Variants in CFAP69 observed in about 807,000 individuals in gnomAD.
The protein encoded by CFAP69 is cilia and flagella associated protein 69.
CFAP69 carries 92 observed loss-of-function variants against 123.0 expected under a neutral mutation model. That is an observed-to-expected ratio of 0.75 (90% confidence interval 0.63 to 0.89). The LOEUF is 0.89. Among genes scored for constraint, CFAP69 ranks in the 40% least tolerant of loss-of-function variants. The probability of loss-of-function intolerance (pLI) is 0.00; values close to 1 mark genes in which losing one functional copy is unlikely to be tolerated. For synonymous variants in CFAP69, 380 were observed against 364.3 expected (o/e 1.04, Z -0.49); for missense variants, 1,067 against 1,096.9 (o/e 0.97, Z 0.39).
chr7:90,290,732 G>A (rs1408512712), intron 15 of CFAP69, among the ~76,000 whole-genome samples: 1 of 149,608 alleles, frequency 6.7e-6, no homozygotes, highest in Admixed American at 6.7e-5. Flanking sequence ...GAAACAGGCA[G>A]TAGAAACAAT....
intron 1 of CFAP69, among the ~76,000 whole-genome samples, chr7:90,251,229 T>C (rs553108773): frequency 2.0e-5 from 3 of 152,172 alleles, no homozygotes; most frequent in Non-Finnish European, 4.4e-5. Context: ...GAGACTCCAA[T>C]GCAGCCTGGG....
At chr7:90,257,802 T>C (rs1474756496) in intron 2 of CFAP69, among the ~76,000 whole-genome samples, 2 of 152,184 alleles carry the variant, frequency 1.3e-5, no homozygotes, top group Non-Finnish European at 2.9e-5. Flanking sequence ...ATTCTGTATC[T>C]TTGCTATTGT....
At chr7:90,319,543 TC>T in the CFAP69 span, 1 of 398,594 alleles carries the variant, frequency 2.5e-6, no homozygotes, top group Admixed American at 4.4e-5. Flanking sequence ...CCAAAAAGCA[TC>T]CACATTGTGC....
In CFAP69 at chr7:90,271,943, A is replaced by G. The variant is rs750099907; in HGVS notation, c.845A>G (p.Asn282Ser). 14 of 1,611,678 alleles carry G rather than the reference A, an allele frequency of 8.7e-6. No individual in the cohort carries two copies. The highest frequency in any genetic ancestry group is 1.7e-5 in the Admixed American group (1 of 59,704). Residue 282 changes from asparagine to serine, a missense_variant, in exon 8 of 23, where the codon AAC becomes AGC. Transcript: ENST00000389297. ...SKEEVIQQLS[N>S]LECLLALKEV... The stretch of plus-strand genomic sequence containing the variant: ...GAAGAAGTCATACAACAGCTTAGTA[A>G]CTTGGAATGTTTGCTGTAAGCGTAT...
intron 13 of CFAP69, 68 bp from the exon 14 acceptor site, chr7:90,286,213 A>C: frequency 2.3e-6 from 3 of 1,331,072 alleles, no homozygotes; most frequent in Non-Finnish European, 3.0e-6. Flanking sequence ...AGAGATTTCC[A>C]AACAGTAATT....
chr7:90,309,986 G>A lies in CFAP69; in HGVS notation c.2656-82G>A, dbSNP rs2117488785. On this transcript the variant is annotated intron_variant, in intron 22 of 22. Transcript: ENST00000389297. ...TCATTACATTTGTGTCTTTTCAAAA[G>A]TAAGCTGAAGGATGAATGAGTTTTT... 6 of 1,166,010 alleles carry A rather than the reference G, an allele frequency of 5.1e-6. No homozygotes were observed. In the South Asian group the frequency reaches 7.7e-5, roughly 15 times the overall value. 72.2% of individuals were successfully genotyped at this position (1,166,010 alleles called of 1,614,324 possible). A position where few individuals can be genotyped will look rare whatever the true frequency, so the allele number is the denominator to read the frequency against.
chr7:90,313,478 C>T (rs551161212), downstream of CFAP69, among the ~76,000 whole-genome samples: 4 of 152,278 alleles, frequency 2.6e-5, no homozygotes, highest in Admixed American at 6.5e-5. Flanking sequence ...CCCAATACCC[C>T]AACTTTGGTT....
At chr7:90,304,717 A>AT in intron 18 of CFAP69, 27 bp from the exon 19 acceptor site, 1 of 1,592,912 alleles carries the variant, frequency 6.3e-7, no homozygotes, top group Non-Finnish European at 8.5e-7. Context: ...TGCTAAAGTA[A>AT]TTCTGTCTTT....
At chr7:90,271,239 A>C (rs1247054041) in intron 6 of CFAP69, among the ~76,000 whole-genome samples, 1 of 152,108 alleles carries the variant, frequency 6.6e-6, no homozygotes, top group Non-Finnish European at 1.5e-5. Flanking sequence ...ATTGTGTTAG[A>C]ACACAGCCAT....
At position 90,255,392 on chromosome 7, in the gene CFAP69, T is replaced by A. The variant is rs770340812; in HGVS notation, c.121-31T>A. The A allele has an allele frequency of 7.0e-6, 11 of 1,563,396 alleles. No homozygotes were observed. In the South Asian group the frequency reaches 1.2e-4, roughly 17 times the overall value. ...TATGACTTATTGATATAGAAGATGA[T>A]CTAGAATAGTAAGAGTTGTATGTTT... On this transcript the variant is annotated intron_variant, in intron 1 of 22. Transcript: ENST00000389297.
chr7:90,251,920 T>C (rs1028506803), intron 1 of CFAP69: 2 of 152,180 alleles, frequency 1.3e-5, no homozygotes, highest in Non-Finnish European at 2.9e-5. Context: ...AATCCTGCAA[T>C]TGGGGTGGCC....
At chr7:90,268,576 T>G (rs1373569333) in intron 6 of CFAP69, among the ~76,000 whole-genome samples, 192 bp downstream of exon 6, 2 of 152,180 alleles carry the variant, frequency 1.3e-5, no homozygotes, top group Non-Finnish European at 2.9e-5. Flanking sequence ...TTGATTTGCA[T>G]ATTTTTATTC....
At position 90,309,307 on chromosome 7, in the gene CFAP69, C is replaced by A; in HGVS notation, c.2595C>A (p.Tyr865Ter). 2.5e-6 allele frequency: 4 copies of A among 1,588,844 alleles called. No homozygotes were observed. The highest frequency in any genetic ancestry group is 4.6e-5 in the East Asian group (2 of 43,826). The change falls in exon 22 of 23, where the codon TAC becomes TAA. Residue 865 changes from tyrosine (Y) to a stop codon, truncating the protein, a stop_gained. Transcript: ENST00000389297. LOFTEE classifies it high-confidence loss of function. The stretch of plus-strand genomic sequence containing the variant: ...AAAAAGCTATAGAAGCCTCCAGATA[C>A]CATAAACGACCACAAAATGCAATAT... ...LQEKAIEASR[Y>*]HKRPQNAIFH...
chr7:90,299,530 CTG>C (rs1792457287), intron 16 of CFAP69, among the ~76,000 whole-genome samples: 1 of 152,102 alleles, frequency 6.6e-6, no homozygotes, highest in African/African-American at 2.4e-5. Context: ...ACAGTGAACT[CTG>C]TATAACACTA....
rs1295004024 is a variant in CFAP69, at chr7:90,245,210, A to T, written c.-215A>T. The T allele has an allele frequency of 8.1e-6, 4 of 496,552 alleles. No individual in the cohort carries two copies. Among genetic ancestry groups the T allele is most frequent in the African/African-American group, 8.0e-5 (4 of 49,754 alleles). The allele number at this position is 496,552 out of a possible 1,614,324, so 30.8% of individuals were successfully genotyped here. ...GGCTTGTGTTAACAACCGGCCCGGG[A>T]TCAGAGGTCTGGGTCAACTGGGGGG... is the stretch of plus-strand genomic sequence containing the variant. On this transcript the variant is annotated 5_prime_UTR_variant, in exon 1 of 23. Coordinates refer to ENST00000389297, the MANE Select transcript of CFAP69 (RefSeq NM_001039706.3).
At chr7:90,290,741 ATGTCTTTTCTTTTC>A (rs1791003773) in intron 15 of CFAP69, among the ~76,000 whole-genome samples, 1 of 147,300 alleles carries the variant, frequency 6.8e-6, no homozygotes, top group Non-Finnish European at 1.5e-5. Context: ...AGTAGAAACA[ATGTCTTTTCTTTTC>A]TTTTCTTTTC....
intron 1 of CFAP69, among the ~76,000 whole-genome samples, chr7:90,252,436 G>T (rs1377990021): frequency 6.6e-6 from 1 of 152,138 alleles, no homozygotes; most frequent in East Asian, 1.9e-4. Flanking sequence ...GGGAGGCTGA[G>T]ACTGGCAGAT....
At position 90,286,467 on chromosome 7, in the gene CFAP69, G is replaced by T. The variant is rs147064249; in HGVS notation, c.1656+68G>T. On this transcript the variant is annotated intron_variant, in intron 14 of 22. Transcript: ENST00000389297. Reference sequence around the variant, plus strand: ...CTAACACTATAAACTATTTTTGGAAGTCTCTATAATTGTATTTAATTTTGT... The same window carrying T: ...CTAACACTATAAACTATTTTTGGAATTCTCTATAATTGTATTTAATTTTGT... 159 of 1,477,006 alleles carry T rather than the reference G, an allele frequency of 1.1e-4. No homozygotes were observed. The African/African-American group carries it at 2.0e-3, about 19-fold the overall frequency. 91.5% of individuals were successfully genotyped at this position (1,477,006 alleles called of 1,614,324 possible). A position where few individuals can be genotyped will look rare whatever the true frequency, so the allele number is the denominator to read the frequency against.
chr7:90,278,972 T>C (rs1337291873), intron 11 of CFAP69, among the ~76,000 whole-genome samples: 1 of 152,136 alleles, frequency 6.6e-6, no homozygotes, highest in Non-Finnish European at 1.5e-5. Flanking sequence ...AAATATAGCA[T>C]ATGGTGTTTT....
Sources: allele counts gnomAD v4.1 joint callset (sites outside exome capture counted in the v4.1 genomes callset), GRCh38; gene constraint gnomAD v4.1.1; transcripts MANE v1.5; gene names NCBI Gene and HGNC (gene_info 2026-07-23, HGNC 2026-07-21).